NXPE2: variants seen among roughly 807,000 people sequenced by gnomAD.
NXPE2 encodes the protein neurexophilin and PC-esterase domain family member 2.
Under a neutral mutation model 34.4 loss-of-function variants are expected in NXPE2, and 34 were observed. The ratio of observed to expected loss-of-function variants is 0.99; its 90% confidence interval spans 0.75 to 1.31. NXPE2 has a LOEUF of 1.31. NXPE2 is among the 40% of genes most tolerant of loss of function. The probability of loss-of-function intolerance (pLI) is 0.00; values close to 1 mark genes in which losing one functional copy is unlikely to be tolerated. For synonymous variants in NXPE2, 235 were observed against 231.3 expected, an observed-to-expected ratio of 1.02 and a Z score of -0.15; for missense variants, 649 against 672.5, an observed-to-expected ratio of 0.97 and a Z score of 0.39.
chr11:114,721,824 C>T, the NXPE2 span, among the ~76,000 whole-genome samples: 124 of 152,240 alleles, frequency 8.1e-4, no homozygotes, highest in Non-Finnish European at 1.4e-3. Context: ...AGGATTTGAG[C>T]ATGGGTCTCA....
chr11:114,534,501 A>G, the NXPE2 span, among the ~76,000 whole-genome samples: 1 of 152,174 alleles, frequency 6.6e-6, no homozygotes, highest in Non-Finnish European at 1.5e-5. Context: ...TAAAGGAGGA[A>G]GTTCGAATCA....
At chr11:114,804,283 T>G in the NXPE2 span, among the ~76,000 whole-genome samples, 1 of 152,194 alleles carries the variant, frequency 6.6e-6, no homozygotes, top group Non-Finnish European at 1.5e-5. Flanking sequence ...GGTTAAGAGA[T>G]TTGCTCTGGG....
the NXPE2 span, among the ~76,000 whole-genome samples, chr11:114,520,379 C>T: frequency 6.6e-6 from 1 of 152,224 alleles, no homozygotes; most frequent in South Asian, 2.1e-4. Context: ...TTCTTTCCTT[C>T]AATATTGTTA....
At chr11:114,598,846 A>G in the NXPE2 span, among the ~76,000 whole-genome samples, 1 of 151,886 alleles carries the variant, frequency 6.6e-6, no homozygotes, top group African/African-American at 2.4e-5. Flanking sequence ...CCTTCTCCCC[A>G]TTGTCTCCAC....
At chr11:114,534,966 C>T in the NXPE2 span, among the ~76,000 whole-genome samples, 18 of 151,988 alleles carry the variant, frequency 1.2e-4, no homozygotes, top group South Asian at 1.0e-3. Context: ...AGCAACTCCA[C>T]GACACATAAT....
the NXPE2 span, among the ~76,000 whole-genome samples, chr11:114,790,314 C>T: frequency 4.5e-3 from 686 of 152,302 alleles, 11 homozygotes; most frequent in South Asian, 0.031. Flanking sequence ...TAATGTCAGA[C>T]CCTACAGTTG....
the NXPE2 span, among the ~76,000 whole-genome samples, chr11:114,648,710 CTAATA>C: frequency 6.6e-6 from 1 of 152,082 alleles, no homozygotes; most frequent in Non-Finnish European, 1.5e-5. Flanking sequence ...GTAATTCCAC[CTAATA>C]TATGATACAA....
the NXPE2 span, among the ~76,000 whole-genome samples, chr11:114,475,226 G>GCTTTT: frequency 1.1e-5 from 1 of 88,070 alleles, no homozygotes; most frequent in East Asian, 3.4e-4. Context: ...AATGTGAACT[G>GCTTTT]TTTTTTTTTT....
chr11:114,799,694 C>A, the NXPE2 span, among the ~76,000 whole-genome samples: 1 of 152,196 alleles, frequency 6.6e-6, no homozygotes, highest in Admixed American at 6.5e-5. Context: ...CCCGTTTAAA[C>A]AGCAACAAGG....
chr11:114,727,785 ACACACACAC>A, the NXPE2 span, among the ~76,000 whole-genome samples: 2 of 149,544 alleles, frequency 1.3e-5, no homozygotes, highest in Non-Finnish European at 3.0e-5. Flanking sequence ...ACACACACAC[ACACACACAC>A]ACACACACAC....
chr11:114,646,337 T>C, the NXPE2 span, among the ~76,000 whole-genome samples: 1 of 151,678 alleles, frequency 6.6e-6, no homozygotes, highest in Non-Finnish European at 1.5e-5. Flanking sequence ...TATAAATAAC[T>C]TAATCAAGTT....
At chr11:114,653,535 T>C in the NXPE2 span, among the ~76,000 whole-genome samples, 62 of 12,622 alleles carry the variant, frequency 4.9e-3, no homozygotes, top group Non-Finnish European at 0.027. Flanking sequence ...TGCTTTCCCT[T>C]TTTTTTTTTT....
chr11:114,801,308 TGAAAA>T, the NXPE2 span, among the ~76,000 whole-genome samples: 1 of 152,112 alleles, frequency 6.6e-6, no homozygotes, highest in Non-Finnish European at 1.5e-5. Flanking sequence ...ATTGGAATGA[TGAAAA>T]GAAACCAGTT....
At chr11:114,608,706 G>A in the NXPE2 span, among the ~76,000 whole-genome samples, 1 of 151,678 alleles carries the variant, frequency 6.6e-6, no homozygotes, top group Non-Finnish European at 1.5e-5. Context: ...CTGTAACCAG[G>A]TGGATAATAA....
chr11:114,727,348 G>T, the NXPE2 span, among the ~76,000 whole-genome samples: 1 of 151,898 alleles, frequency 6.6e-6, no homozygotes, highest in Non-Finnish European at 1.5e-5. Context: ...ACTCTCTGGG[G>T]TTCATTTATA....
chr11:114,653,138 C>T, the NXPE2 span, among the ~76,000 whole-genome samples: 23 of 152,220 alleles, frequency 1.5e-4, no homozygotes, highest in African/African-American at 4.6e-4. Context: ...ACAATACTGA[C>T]TTGTTTTATA....
chr11:114,561,880 T>C, the NXPE2 span, among the ~76,000 whole-genome samples: 1 of 152,232 alleles, frequency 6.6e-6, no homozygotes, highest in Non-Finnish European at 1.5e-5. Context: ...TCTGCAAGAA[T>C]TCTTGAGTTA....
At chr11:114,720,247 G>C in the NXPE2 span, among the ~76,000 whole-genome samples, 1 of 152,170 alleles carries the variant, frequency 6.6e-6, no homozygotes, top group African/African-American at 2.4e-5. Context: ...GGAGGGCCCT[G>C]AGCCATTGGA....
At chr11:114,528,436 G>A in the NXPE2 span, among the ~76,000 whole-genome samples, 1 of 152,100 alleles carries the variant, frequency 6.6e-6, no homozygotes, top group Non-Finnish European at 1.5e-5. Context: ...TTATCAGAGG[G>A]CCTCTGCTTC....
Sources: gnomAD v4.1 joint callset for allele counts (sites outside exome capture counted in the v4.1 genomes callset) on GRCh38, gnomAD v4.1.1 for gene constraint, MANE v1.5 for transcripts, NCBI Gene and HGNC (gene_info 2026-07-23, HGNC 2026-07-21) for gene names.